THSD4: variants seen among roughly 807,000 people sequenced by gnomAD.
THSD4 encodes the protein thrombospondin type 1 domain containing 4, also known as thrombospondin type-1 domain-containing protein 4.
A neutral mutation model predicts 119.0 loss-of-function variants in THSD4; 69 were observed. That is an observed-to-expected ratio of 0.58 (90% CI 0.48 to 0.71). THSD4 has a LOEUF of 0.71. THSD4 is among the 30% of genes least tolerant of loss of function. The pLI is 0.00. For synonymous variants in THSD4, 524 were observed against 540.4 expected (o/e 0.97, Z 0.42); for missense variants, 1,393 against 1,391.1 (o/e 1.00, Z -0.02).
chr15:71,356,157 C>A (rs1324004916), intron 6 of THSD4, among the ~76,000 whole-genome samples: 1 of 152,138 alleles, frequency 6.6e-6, no homozygotes, highest in Admixed American at 6.5e-5. Context: ...AGTGAGCCAC[C>A]ATGCCTGGCC....
At chr15:71,575,133 A>G (rs2049425938) in intron 7 of THSD4, among the ~76,000 whole-genome samples, 1 of 152,162 alleles carries the variant, frequency 6.6e-6, no homozygotes, top group South Asian at 2.1e-4. Flanking sequence ...TTGTCTCAGC[A>G]CTAGGCAAAC....
intron 6 of THSD4, among the ~76,000 whole-genome samples, chr15:71,396,896 A>C (rs113831021): frequency 1.3e-5 from 2 of 152,184 alleles, no homozygotes. Flanking sequence ...ATTTCAGAAA[A>C]AGGTTGGGTA....
At chr15:71,278,433 C>T (rs77042601) in intron 6 of THSD4, among the ~76,000 whole-genome samples, 2,834 of 152,274 alleles carry the variant, frequency 0.019, 103 homozygotes, top group African/African-American at 0.065. Context: ...AATCCACCTG[C>T]CTCAACCTGC....
chr15:71,755,211 A>T (rs1028050227), intron 14 of THSD4, among the ~76,000 whole-genome samples: 1 of 152,192 alleles, frequency 6.6e-6, no homozygotes, highest in Non-Finnish European at 1.5e-5. Context: ...TTGGGGTGGC[A>T]TGTTCTGATC....
At chr15:71,742,169 T>C (rs1045495180) in intron 11 of THSD4, among the ~76,000 whole-genome samples, 1 of 152,214 alleles carries the variant, frequency 6.6e-6, no homozygotes, top group Admixed American at 6.5e-5. Context: ...CCTTCTCCAG[T>C]CCTCCCTGGT....
At chr15:71,261,337 C>T (rs1238299593) in intron 6 of THSD4, among the ~76,000 whole-genome samples, 1 of 152,084 alleles carries the variant, frequency 6.6e-6, no homozygotes, top group African/African-American at 2.4e-5. Flanking sequence ...CAGGAAAATG[C>T]GTGGAAGGAT....
At chr15:71,477,517 T>A (rs2047670909) in intron 7 of THSD4, among the ~76,000 whole-genome samples, 1 of 151,918 alleles carries the variant, frequency 6.6e-6, no homozygotes, top group Non-Finnish European at 1.5e-5. Context: ...GGATTAGGAG[T>A]ATGGAGGCCA....
At chr15:71,369,987 A>G (rs570286087) in intron 6 of THSD4, among the ~76,000 whole-genome samples, 12 of 152,028 alleles carry the variant, frequency 7.9e-5, no homozygotes, top group African/African-American at 2.7e-4. Context: ...TAGGGATTCA[A>G]CTTCTTCCTG....
chr15:71,700,909 T>C (rs1567108401), intron 8 of THSD4, among the ~76,000 whole-genome samples: 1 of 151,972 alleles, frequency 6.6e-6, no homozygotes, highest in South Asian at 2.1e-4. Context: ...AAAGAAAATA[T>C]AGAAAAATAA....
intron 7 of THSD4, among the ~76,000 whole-genome samples, chr15:71,482,138 A>G (rs1217110320): frequency 6.6e-6 from 1 of 152,196 alleles, no homozygotes; most frequent in Non-Finnish European, 1.5e-5. Context: ...TATCATAACA[A>G]GAAGTCTGAA....
At chr15:71,712,237 A>G (rs1019443856) in intron 8 of THSD4, among the ~76,000 whole-genome samples, 1 of 152,222 alleles carries the variant, frequency 6.6e-6, no homozygotes, top group Non-Finnish European at 1.5e-5. Flanking sequence ...TTAAAAAATA[A>G]CATAGGAATG....
chr15:71,561,912 ACACACAC>A (rs1250690320), intron 7 of THSD4, among the ~76,000 whole-genome samples: 2 of 29,768 alleles, frequency 6.7e-5, no homozygotes, highest in African/African-American at 3.3e-4. Context: ...ACACACACAC[ACACACAC>A]AAACACTCAC....
At chr15:71,566,887 CAG>C (rs1013817644) in intron 7 of THSD4, among the ~76,000 whole-genome samples, 1 of 151,712 alleles carries the variant, frequency 6.6e-6, no homozygotes, top group African/African-American at 2.4e-5. Context: ...AACACATCAG[CAG>C]AGAGTACTGT....
chr15:71,604,488 G>A (rs1000024242), intron 7 of THSD4, among the ~76,000 whole-genome samples: 13 of 152,244 alleles, frequency 8.5e-5, no homozygotes, highest in Non-Finnish European at 1.5e-4. Context: ...GAGAATTTCA[G>A]ACCAAATGTA....
At chr15:71,676,416 G>T (rs1387587970) in intron 8 of THSD4, among the ~76,000 whole-genome samples, 2 of 151,902 alleles carry the variant, frequency 1.3e-5, no homozygotes, top group Non-Finnish European at 2.9e-5. Flanking sequence ...TAAGTAGATG[G>T]GACTACAGGC....
intron 1 of THSD4, among the ~76,000 whole-genome samples, chr15:71,126,704 C>A (rs558496862): frequency 2.0e-5 from 3 of 152,102 alleles, no homozygotes; most frequent in African/African-American, 7.2e-5. Flanking sequence ...GCAATTATGA[C>A]CATGCCTGAG....
At chr15:71,657,098 C>T (rs982702382) in intron 7 of THSD4, among the ~76,000 whole-genome samples, 4 of 152,150 alleles carry the variant, frequency 2.6e-5, no homozygotes, top group African/African-American at 7.2e-5. Context: ...CTGTCCAGCA[C>T]GACATAGAGC....
chr15:71,739,496 A>G (rs896329870), intron 11 of THSD4, among the ~76,000 whole-genome samples: 3 of 152,190 alleles, frequency 2.0e-5, no homozygotes, highest in Non-Finnish European at 4.4e-5. Context: ...TGAAAACTCC[A>G]AAGTTAAGAT....
At chr15:71,630,478 T>A (rs1348059854) in intron 7 of THSD4, among the ~76,000 whole-genome samples, 1 of 152,236 alleles carries the variant, frequency 6.6e-6, no homozygotes, top group Non-Finnish European at 1.5e-5. Flanking sequence ...AAAAACTTTC[T>A]TTATATAATT....
Sources: gnomAD v4.1 joint callset for allele counts (sites outside exome capture counted in the v4.1 genomes callset) on GRCh38, gnomAD v4.1.1 for gene constraint, MANE v1.5 for transcripts, NCBI Gene and HGNC (gene_info 2026-07-23, HGNC 2026-07-21) for gene names.